The following DCAF13 variants were observed in gnomAD, a reference collection of about 807,000 sequenced individuals.
DCAF13 encodes DDB1- and CUL4-associated factor 13.
In DCAF13, 38 loss-of-function variants were observed where a neutral mutation model predicts 59.0. The ratio of observed to expected loss-of-function variants is 0.64; its 90% CI spans 0.50 to 0.84. The LOEUF (loss-of-function observed/expected upper bound fraction) is 0.84, where lower values mean the gene tolerates loss of function less well. Ranked by LOEUF, DCAF13 falls within the 40% of genes least tolerant of loss-of-function variation. The pLI is 0.00. For missense variants in DCAF13, 469 were observed against 558.4 expected (o/e 0.84, Z 1.61); for synonymous variants, 173 against 175.0 (o/e 0.99, Z 0.09).
intron 5 of DCAF13, 64 bp from the exon 6 acceptor site, chr8:103,430,548 C>G: frequency 9.4e-7 from 1 of 1,059,712 alleles, no homozygotes; most frequent in South Asian, 1.4e-5. Flanking sequence ...CATTTGTTTA[C>G]TGAATGGATG....
chr8:103,418,842 A>ATATAT (rs1816667276), intron 1 of DCAF13, among the ~76,000 whole-genome samples: 1 of 13,740 alleles, frequency 7.3e-5, no homozygotes, highest in East Asian at 2.0e-3. Flanking sequence ...ATATATATAT[A>ATATAT]TATATATATA....
At chr8:103,420,917 T>G (rs1816713576) in intron 2 of DCAF13, 58 bp from the exon 3 acceptor site, 1 of 1,235,826 alleles carries the variant, frequency 8.1e-7, no homozygotes, top group African/African-American at 1.5e-5. Flanking sequence ...GTGTTGAATT[T>G]ATCCTGAACA....
At chr8:103,439,869 T>C in intron 8 of DCAF13, 1 of 224,192 alleles carries the variant, frequency 4.5e-6, no homozygotes. Flanking sequence ...TGTGAACTTT[T>C]CTGTACATCT....
chr8:103,429,335 G>A (rs2130486838), intron 5 of DCAF13: 1 of 152,316 alleles, frequency 6.6e-6, no homozygotes. Context: ...AGGAAATCAT[G>A]ATCATAACAT....
At chr8:103,430,731 A>G (rs765149525) in intron 6 of DCAF13, 42 bp downstream of exon 6, 3 of 1,423,356 alleles carry the variant, frequency 2.1e-6, no homozygotes, top group Admixed American at 3.9e-5. Flanking sequence ...AGTTGGCATT[A>G]TATATTTCTC....
Position 103,426,124 on chromosome 8 carries a change from A to G in DCAF13, c.447A>G (p.Pro149=), listed in dbSNP as rs754856827. 9 of 1,610,736 alleles carry G rather than the reference A, an allele frequency of 5.6e-6. No individual in the cohort carries two copies. The Admixed American group carries it at 1.5e-4, about 27-fold the overall frequency. Residue 149 remains proline, a synonymous_variant, in exon 4 of 11, where the codon CCA becomes CCG. Coordinates refer to ENST00000612750, the MANE Select transcript of DCAF13 (RefSeq NM_015420.7). ...CAGGCTATGGAGACGAGGAAGAGCCATTACATACAATATTAGGAAAGGTAC... is the reference window on the plus strand; with the variant it reads ...CAGGCTATGGAGACGAGGAAGAGCCGTTACATACAATATTAGGAAAGGTAC... ...DGPGYGDEEE[P]LHTILGKTVY...
At position 103,415,531 on chromosome 8, in the gene DCAF13, T is replaced by C; in HGVS notation, c.70+15T>C. On this transcript the variant is annotated intron_variant, in intron 1 of 10. Coordinates refer to ENST00000612750, the MANE Select transcript of DCAF13 (RefSeq NM_015420.7). ...CTTACAGAGAGGTAAGATAAGTTGGTAGGGAGAAAGGGACGGTTTCCGCAA... is the reference window on the plus strand; with the variant it reads ...CTTACAGAGAGGTAAGATAAGTTGGCAGGGAGAAAGGGACGGTTTCCGCAA... 6.3e-7 allele frequency: 1 copy of C among 1,591,672 alleles called. No homozygotes were observed. The highest frequency in any genetic ancestry group is 8.6e-7 in the Non-Finnish European group (1 of 1,166,600).
intron 7 of DCAF13, 81 bp downstream of exon 7, chr8:103,432,822 C>A: frequency 1.2e-6 from 1 of 844,008 alleles, no homozygotes; most frequent in Non-Finnish European, 1.9e-6. Flanking sequence ...AAAATATATA[C>A]CACTAGGTAG....
chr8:103,431,599 T>G (rs1816866278), intron 6 of DCAF13, among the ~76,000 whole-genome samples: 1 of 152,198 alleles, frequency 6.6e-6, no homozygotes, highest in Non-Finnish European at 1.5e-5. Flanking sequence ...TGAACTTTGG[T>G]CTTAGACTTT....
chr8:103,432,761 A>G lies in DCAF13; in HGVS notation c.785+20A>G, dbSNP rs878881742. The G allele has an allele frequency of 2.7e-6, 4 of 1,458,766 alleles. No individual in the cohort carries two copies. The South Asian group carries it at 4.6e-5, about 17-fold the overall frequency. The allele number at this position is 1,458,766 out of a possible 1,614,324, so 90.4% of individuals were successfully genotyped here. On this transcript the variant is annotated intron_variant, in intron 7 of 10. Transcript: ENST00000612750. ...TTATAAGTAAGTTTCCCTCTTTTAA[A>G]AACTTGTGTATTTCTATCATGAATG...
chr8:103,428,233 G>C (rs545591190), intron 5 of DCAF13: 1 of 152,318 alleles, frequency 6.6e-6, no homozygotes, highest in African/African-American at 2.4e-5. Context: ...CACTCTTCCT[G>C]CAACTACCAC....
At chr8:103,431,914 A>G (rs1816870296) in intron 6 of DCAF13, among the ~76,000 whole-genome samples, 1 of 152,122 alleles carries the variant, frequency 6.6e-6, no homozygotes, top group Admixed American at 6.6e-5. Context: ...GTGCTCTGAA[A>G]TCTGGTTCTA....
In DCAF13 at chr8:103,420,292, T is replaced by C; in HGVS notation, c.99T>C (p.His33=). Residue 33 remains histidine, a synonymous_variant, in exon 2 of 11, where the codon CAT becomes CAC. Coordinates refer to ENST00000612750, the MANE Select transcript of DCAF13 (RefSeq NM_015420.7). ...RVPRNYDPAL[H]PFEVPREYIR... ...CAAGAAACTATGATCCTGCTTTACA[T>C]CCTTTTGAGGTCCCACGAGAATATA... is the stretch of plus-strand genomic sequence containing the variant. The C allele has an allele frequency of 3.1e-6, 5 of 1,614,008 alleles. No homozygotes were observed. The highest frequency in any genetic ancestry group is 4.2e-6 in the Non-Finnish European group (5 of 1,179,960).
At position 103,435,578 on chromosome 8, in the gene DCAF13, G is replaced by A. The variant is rs867030873; in HGVS notation, c.786-48G>A. ...AGTGGTATCTTTTAGTACTGCATAT[G>A]GCATCTTTCTAGAAATATGTGTCAA... On this transcript the variant is annotated intron_variant, in intron 7 of 10. Transcript: ENST00000612750. The A allele has an allele frequency of 4.9e-6, 7 of 1,429,526 alleles. No homozygotes were observed. In the Middle Eastern group the frequency reaches 1.2e-3, roughly 238 times the overall value. The allele number at this position is 1,429,526 out of a possible 1,614,324, so 88.6% of individuals were successfully genotyped here. A position where few individuals can be genotyped will look rare whatever the true frequency, so the allele number is the denominator to read the frequency against.
chr8:103,428,653 G>A (rs988101435), intron 5 of DCAF13: 2 of 151,996 alleles, frequency 1.3e-5, no homozygotes, highest in African/African-American at 4.8e-5. Context: ...GATAACATAT[G>A]TGAACATTTT....
chr8:103,437,371 GA>G (rs1032534333), intron 8 of DCAF13, among the ~76,000 whole-genome samples: 8 of 152,030 alleles, frequency 5.3e-5, no homozygotes, highest in African/African-American at 1.9e-4. Context: ...CGAGAACAAA[GA>G]AAAAAACAGG....
intron 8 of DCAF13, among the ~76,000 whole-genome samples, chr8:103,437,029 G>T (rs752455755): frequency 3.9e-5 from 6 of 152,130 alleles, no homozygotes; most frequent in Non-Finnish European, 8.8e-5. Flanking sequence ...TGATTATGAA[G>T]GTGCTTCAGT....
At position 103,435,961 on chromosome 8, in the gene DCAF13, A is replaced by G. The variant is rs3098222; in HGVS notation, c.950+171A>G. Among the ~76,000 whole-genome samples, 76,696 of 152,008 alleles carry G rather than the reference A, an allele frequency of 0.5. 20,099 individuals carry two copies. The highest frequency in any genetic ancestry group is 0.66 in the African/African-American group (27,167 of 41,438). On this transcript the variant is annotated intron_variant, in intron 8 of 10. Coordinates refer to ENST00000612750, the MANE Select transcript of DCAF13 (RefSeq NM_015420.7). Reference sequence around the variant, plus strand: ...CACACCTAGGCTGTGTGGTCATATGATATGGCCTGTTGCTTCTAGACTACG... The same window carrying G: ...CACACCTAGGCTGTGTGGTCATATGGTATGGCCTGTTGCTTCTAGACTACG...
chr8:103,436,117 G>A (rs372885817), intron 8 of DCAF13, among the ~76,000 whole-genome samples: 13 of 152,142 alleles, frequency 8.5e-5, no homozygotes, highest in African/African-American at 2.2e-4. Flanking sequence ...GACCACTGTC[G>A]TATATGCAGT....
Sources: allele counts gnomAD v4.1 joint callset (sites outside exome capture counted in the v4.1 genomes callset), GRCh38; gene constraint gnomAD v4.1.1; transcripts MANE v1.5; gene names NCBI Gene and HGNC (gene_info 2026-07-23, HGNC 2026-07-21).